Variants in FRMPD4 observed in about 807,000 individuals in gnomAD.
The protein encoded by FRMPD4 is FERM and PDZ domain-containing protein 4.
Under a neutral mutation model 94.1 loss-of-function variants are expected in FRMPD4, and 22 were observed. That is an observed-to-expected ratio of 0.23 (90% CI 0.17 to 0.33). FRMPD4 has a LOEUF of 0.33. FRMPD4 is among the 10% of genes least tolerant of loss of function. The pLI, the probability that FRMPD4 is intolerant of heterozygous loss-of-function variation, is 1.00. For synonymous variants in FRMPD4, 631 were observed against 548.6 expected (o/e 1.15, Z -2.10); for missense variants, 1,111 against 1,339.9 (o/e 0.83, Z 2.67).
At chrX:11,876,095 C>T (rs1468763813) in intron 2 of FRMPD4, among the ~76,000 whole-genome samples, 2 of 108,433 alleles carry the variant, frequency 1.8e-5, no homozygotes, top group Non-Finnish European at 3.8e-5. Flanking sequence ...AGGATGGTCT[C>T]GTTCGCCTGA....
chrX:12,572,540 A>AT (rs1174020673), intron 2 of FRMPD4, among the ~76,000 whole-genome samples: 5 of 112,103 alleles, frequency 4.5e-5, no homozygotes, highest in African/African-American at 1.6e-4. Context: ...CTCTATTGAC[A>AT]TTTGAAGCCA....
intron 3 of FRMPD4, among the ~76,000 whole-genome samples, chrX:12,111,060 A>G: frequency 8.9e-6 from 1 of 111,871 alleles, no homozygotes; most frequent in Middle Eastern, 4.6e-3. Context: ...ACAAAATTGG[A>G]AAAAACTACT....
chrX:12,105,717 G>A (rs1299284715), intron 3 of FRMPD4, among the ~76,000 whole-genome samples: 1 of 112,334 alleles, frequency 8.9e-6, no homozygotes, highest in Non-Finnish European at 1.9e-5. Context: ...GGGCAACAGT[G>A]TAAAGCCAGT....
intron 3 of FRMPD4, among the ~76,000 whole-genome samples, chrX:11,984,327 A>G (rs922830787): frequency 3.6e-5 from 4 of 112,304 alleles, no homozygotes; most frequent in African/African-American, 1.3e-4. Context: ...ACTGGTCCAC[A>G]CCTGCTTTGA....
At chrX:12,071,355 T>C (rs2054966843) in intron 3 of FRMPD4, among the ~76,000 whole-genome samples, 1 of 111,503 alleles carries the variant, frequency 9.0e-6, no homozygotes, top group South Asian at 3.8e-4. Context: ...TCAGCGGAAA[T>C]GGTCTCAATA....
intron 2 of FRMPD4, among the ~76,000 whole-genome samples, chrX:12,539,800 AT>A (rs1440154677): frequency 9.0e-6 from 1 of 110,988 alleles, no homozygotes; most frequent in Non-Finnish European, 1.9e-5. Context: ...CGCCAGGCTA[AT>A]TTTTGTATTT....
intron 4 of FRMPD4, among the ~76,000 whole-genome samples, chrX:12,639,560 C>T (rs1454537453): frequency 1.8e-5 from 2 of 111,871 alleles, no homozygotes; most frequent in African/African-American, 6.5e-5. Context: ...ACATTGTAAA[C>T]GTTGAAAATT....
chrX:12,063,173 C>A (rs777660889), intron 3 of FRMPD4, among the ~76,000 whole-genome samples: 1 of 111,279 alleles, frequency 9.0e-6, no homozygotes, highest in African/African-American at 3.3e-5. Flanking sequence ...AGTTTGAGAC[C>A]AGCCTGGACA....
chrX:12,530,638 C>A (rs2058275244), intron 2 of FRMPD4, among the ~76,000 whole-genome samples: 1 of 111,152 alleles, frequency 9.0e-6, no homozygotes, highest in Non-Finnish European at 1.9e-5. Context: ...CTGGAATTGA[C>A]AGGATTATCA....
At chrX:11,931,020 T>G (rs779930707) in intron 3 of FRMPD4, among the ~76,000 whole-genome samples, 2 of 111,420 alleles carry the variant, frequency 1.8e-5, no homozygotes, top group Non-Finnish European at 3.8e-5. Flanking sequence ...AGGGGAAACT[T>G]AATGTGCTGC....
At chrX:12,282,905 C>A (rs914010412) in intron 1 of FRMPD4, among the ~76,000 whole-genome samples, 1 of 112,007 alleles carries the variant, frequency 8.9e-6, no homozygotes, top group African/African-American at 3.3e-5. Context: ...CTGCACTGTT[C>A]AATTCATAAC....
chrX:12,357,874 G>A (rs2055918934), intron 1 of FRMPD4, among the ~76,000 whole-genome samples: 1 of 111,824 alleles, frequency 8.9e-6, no homozygotes, highest in Admixed American at 9.5e-5. Flanking sequence ...GATCCCTTTT[G>A]CTCATTTTCA....
intron 1 of FRMPD4, among the ~76,000 whole-genome samples, chrX:12,270,151 A>G (rs1020110159): frequency 2.3e-4 from 26 of 111,933 alleles, no homozygotes; most frequent in African/African-American, 7.8e-4. Flanking sequence ...GGCCACATGT[A>G]GAATTTCTTT....
intron 1 of FRMPD4, among the ~76,000 whole-genome samples, chrX:12,420,789 T>C (rs770544139): frequency 8.9e-6 from 1 of 112,784 alleles, no homozygotes; most frequent in South Asian, 3.7e-4. Flanking sequence ...ATGTTTGATG[T>C]GACCTTCAGA....
chrX:12,631,382 C>T (rs2059394469), intron 4 of FRMPD4, among the ~76,000 whole-genome samples: 1 of 112,119 alleles, frequency 8.9e-6, no homozygotes, highest in Non-Finnish European at 1.9e-5. Flanking sequence ...TTCTTGTAAC[C>T]AAATCTAAAT....
chrX:12,621,964 GAAAGAGAAAGAAAGAA>G (rs1362276050), intron 4 of FRMPD4, among the ~76,000 whole-genome samples: 64 of 81,555 alleles, frequency 7.8e-4, no homozygotes, highest in African/African-American at 2.9e-3. Context: ...GAGAAAGAAA[GAAAGAGAAAGAAAGAA>G]AGAAAGAAAG....
At chrX:12,555,152 T>C (rs765526838) in intron 2 of FRMPD4, among the ~76,000 whole-genome samples, 7 of 111,299 alleles carry the variant, frequency 6.3e-5, no homozygotes, top group Admixed American at 3.8e-4. Flanking sequence ...CTGCTTGTCC[T>C]CTTAGTTTGG....
At chrX:12,586,371 G>A (rs1358410111) in intron 2 of FRMPD4, among the ~76,000 whole-genome samples, 1 of 112,627 alleles carries the variant, frequency 8.9e-6, no homozygotes, top group Non-Finnish European at 1.9e-5. Flanking sequence ...ATCTAATGCC[G>A]AGGAGATAGT....
At position 12,163,887 on chromosome X, in the gene FRMPD4, G is replaced by A. The variant is rs1008245402; in HGVS notation, c.41+24875G>A. 3.6e-4 allele frequency among the ~76,000 whole-genome samples: 40 copies of A among 111,802 alleles called. 1 individual carries two copies. Among genetic ancestry groups the A allele is most frequent in the African/African-American group, 1.0e-3 (31 of 30,818 alleles). On this transcript the variant is annotated intron_variant, in intron 1 of 16. Transcript: ENST00000675598. ...GTAAGTAATTATCAGGGGTCCCAAC[G>A]TTTGGCTGATAAGAACCATTTTTTA... is the stretch of plus-strand genomic sequence containing the variant.
Sources: gnomAD v4.1 joint callset for allele counts (sites outside exome capture counted in the v4.1 genomes callset) on GRCh38, gnomAD v4.1.1 for gene constraint, MANE v1.5 for transcripts, NCBI Gene and HGNC (gene_info 2026-07-23, HGNC 2026-07-21) for gene names.